NLGN4X: variants seen among roughly 807,000 people sequenced by gnomAD.
NLGN4X encodes the protein neuroligin-4, X-linked.
In NLGN4X, 3 loss-of-function variants were observed where a neutral mutation model predicts 40.3. The ratio of observed to expected loss-of-function variants is 0.07; its 90% CI spans 0.03 to 0.19. The LOEUF is 0.19. Ranked by LOEUF, NLGN4X falls within the 10% of genes least tolerant of loss-of-function variation. The pLI is 1.00. For synonymous variants in NLGN4X, 270 were observed against 306.8 expected, an observed-to-expected ratio of 0.88 and a Z score of 1.25; for missense variants, 382 against 708.3, an observed-to-expected ratio of 0.54 and a Z score of 5.23.
intron 3 of NLGN4X, among the ~76,000 whole-genome samples, chrX:5,965,132 AT>A (rs1218285372): frequency 1.8e-5 from 2 of 112,080 alleles, no homozygotes; most frequent in Non-Finnish European, 3.8e-5. Context: ...TGAATGGCTT[AT>A]CAAAAGCAGA....
intron 1 of NLGN4X, among the ~76,000 whole-genome samples, chrX:6,219,829 T>C (rs1602446491): frequency 8.9e-6 from 1 of 112,097 alleles, no homozygotes; most frequent in Admixed American, 9.5e-5. Flanking sequence ...CAAAGAAGCA[T>C]GTTCATGACA....
rs190818334 is a variant in NLGN4X at position 6,019,296 on chromosome X, C to T, written c.625+9984G>A. ...GTAGAATTGCCTGTGCTATTACAGG[C>T]GGGTAGGCAAATGTCAGGGGAAAAA... On this transcript the variant is annotated intron_variant, in intron 3 of 5. Transcript: ENST00000381095. 1.8e-4 allele frequency among the ~76,000 whole-genome samples: 20 copies of T among 111,584 alleles called. 1 individual carries two copies. The East Asian group carries it at 4.0e-3, about 22-fold the overall frequency.
chrX:6,177,929 G>C (rs1234262512), intron 1 of NLGN4X, among the ~76,000 whole-genome samples: 1 of 110,802 alleles, frequency 9.0e-6, no homozygotes, highest in Non-Finnish European at 1.9e-5. Context: ...AGGGAACTCA[G>C]CTCCCTCACC....
chrX:6,063,503 T>G (rs1238510935), intron 2 of NLGN4X, among the ~76,000 whole-genome samples: 3 of 111,577 alleles, frequency 2.7e-5, no homozygotes, highest in Non-Finnish European at 5.6e-5. Flanking sequence ...CTAATTTATT[T>G]AACTCTTAAG....
chrX:6,213,371 C>G (rs1274767010), intron 1 of NLGN4X, among the ~76,000 whole-genome samples: 1 of 111,520 alleles, frequency 9.0e-6, no homozygotes, highest in African/African-American at 3.3e-5. Flanking sequence ...CTAGATGAGG[C>G]TAAGAAAATA....
chrX:6,027,868 G>A (rs1296478406), intron 3 of NLGN4X, among the ~76,000 whole-genome samples: 1 of 107,268 alleles, frequency 9.3e-6, no homozygotes, highest in Non-Finnish European at 1.9e-5. Flanking sequence ...CCAGGCTGGA[G>A]TGCAATGGCG....
At position 6,021,002 on chromosome X, in the gene NLGN4X, T is replaced by TTCTCTCTC. The variant is rs869309615; in HGVS notation, c.625+8270_625+8277dup. The stretch of plus-strand genomic sequence containing the variant: ...AATTTTTTCTTTTTCCTTCCTTCTT[T>TTCTCTCTC]TCTCTCTCTCTCTCTCTCTCTCTCT... On this transcript the variant is annotated intron_variant, in intron 3 of 5. Transcript: ENST00000381095. Among the ~76,000 whole-genome samples the TTCTCTCTC allele has an allele frequency of 7.5e-4, 18 of 24,111 alleles. 1 individual carries two copies. The highest frequency in any genetic ancestry group is 9.6e-4 in the Non-Finnish European group (13 of 13,582). The allele number at this position is 24,111 out of a possible 115,157, so 20.9% of individuals were successfully genotyped here. A position where few individuals can be genotyped will look rare whatever the true frequency, so the allele number is the denominator to read the frequency against.
At chrX:5,964,473 C>G (rs2034761343) in intron 3 of NLGN4X, among the ~76,000 whole-genome samples, 1 of 112,000 alleles carries the variant, frequency 8.9e-6, no homozygotes, top group Non-Finnish European at 1.9e-5. Flanking sequence ...GCCCTCAAAG[C>G]ATAATGCAAT....
intron 2 of NLGN4X, among the ~76,000 whole-genome samples, chrX:6,071,864 G>A (rs1385130280): frequency 1.8e-5 from 2 of 110,898 alleles, no homozygotes; most frequent in African/African-American, 6.6e-5. Context: ...TGTAGCCCAA[G>A]GATTTGACTT....
chrX:6,004,927 G>A (rs2036065793), intron 3 of NLGN4X, among the ~76,000 whole-genome samples: 1 of 111,553 alleles, frequency 9.0e-6, no homozygotes, highest in African/African-American at 3.3e-5. Context: ...TGAGAAGAGG[G>A]TCAAGATGAA....
At chrX:6,002,893 T>C (rs925253309) in intron 3 of NLGN4X, among the ~76,000 whole-genome samples, 23 of 111,927 alleles carry the variant, frequency 2.1e-4, no homozygotes, top group African/African-American at 6.8e-4. Flanking sequence ...CTTGATGGCA[T>C]AGCTTTGGAG....
At chrX:6,121,149 T>TACACACACACACAC (rs35061904) in intron 2 of NLGN4X, among the ~76,000 whole-genome samples, 3 of 102,515 alleles carry the variant, frequency 2.9e-5, no homozygotes, top group South Asian at 9.4e-4. Context: ...TATATATACA[T>TACACACACACACAC]ACACACACAC....
intron 3 of NLGN4X, among the ~76,000 whole-genome samples, chrX:6,014,733 T>C (rs1475095156): frequency 8.9e-6 from 1 of 111,965 alleles, no homozygotes; most frequent in Non-Finnish European, 1.9e-5. Flanking sequence ...GGGTGGATTA[T>C]GCAACAACCT....
At chrX:6,005,689 G>A (rs908336359) in intron 3 of NLGN4X, among the ~76,000 whole-genome samples, 1 of 111,228 alleles carries the variant, frequency 9.0e-6, no homozygotes, top group Admixed American at 9.6e-5. Context: ...CTAAAGTCTG[G>A]ACCCATCAAA....
At chrX:5,952,391 T>G (rs1348843454) in intron 3 of NLGN4X, among the ~76,000 whole-genome samples, 1 of 111,132 alleles carries the variant, frequency 9.0e-6, no homozygotes, top group Admixed American at 9.6e-5. Context: ...GGGAACAACG[T>G]TCTTGAGTAG....
At chrX:6,186,268 CA>C (rs1403071053) in intron 1 of NLGN4X, among the ~76,000 whole-genome samples, 1 of 111,448 alleles carries the variant, frequency 9.0e-6, no homozygotes, top group Non-Finnish European at 1.9e-5. Flanking sequence ...ATAAAAGAAC[CA>C]TATATGAAAA....
chrX:6,216,426 C>G (rs1925095830), intron 1 of NLGN4X, among the ~76,000 whole-genome samples: 1 of 112,068 alleles, frequency 8.9e-6, no homozygotes, highest in African/African-American at 3.2e-5. Context: ...CAACTGACCA[C>G]TACATGGAAG....
chrX:6,179,557 C>G (rs1036360936), intron 1 of NLGN4X, among the ~76,000 whole-genome samples: 1 of 111,989 alleles, frequency 8.9e-6, no homozygotes, highest in Non-Finnish European at 1.9e-5. Context: ...GGCAGGAAAC[C>G]TAAATGTCAG....
intron 1 of NLGN4X, among the ~76,000 whole-genome samples, chrX:6,171,179 A>T (rs1032733699): frequency 8.9e-6 from 1 of 112,009 alleles, no homozygotes; most frequent in Non-Finnish European, 1.9e-5. Context: ...TGAATGAAGC[A>T]TTCTACTCTA....
Sources: gnomAD v4.1 joint callset for allele counts (sites outside exome capture counted in the v4.1 genomes callset) on GRCh38, gnomAD v4.1.1 for gene constraint, MANE v1.5 for transcripts, NCBI Gene and HGNC (gene_info 2026-07-23, HGNC 2026-07-21) for gene names.